The following RAB9A variants were observed in gnomAD, a reference collection of about 807,000 sequenced individuals.
RAB9A encodes the protein ras-related protein Rab-9A.
RAB9A carries 1 observed loss-of-function variant against 10.3 expected under a neutral mutation model. The ratio of observed to expected loss-of-function variants is 0.10; its 90% CI spans 0.03 to 0.46. The LOEUF (loss-of-function observed/expected upper bound fraction) is 0.46. RAB9A is among the 20% of genes least tolerant of loss of function. The probability of loss-of-function intolerance (pLI) is 0.96; values close to 1 mark genes in which losing one functional copy is unlikely to be tolerated. For synonymous variants in RAB9A, 39 were observed against 55.2 expected (o/e 0.71, Z 1.30); for missense variants, 92 against 150.3 (o/e 0.61, Z 2.03).
At chrX:13,691,659 CAAAAAAAAAAAAAAAAA>C (rs765886332) in intron 1 of RAB9A, among the ~76,000 whole-genome samples, 1 of 15,933 alleles carries the variant, frequency 6.3e-5, no homozygotes, top group Non-Finnish European at 1.2e-4. Flanking sequence ...GACTCCATCT[CAAAAAAAAAAAAAAAAA>C]AAAAAAAAAA....
At chrX:13,693,155 A>G (rs903716253) in intron 1 of RAB9A, among the ~76,000 whole-genome samples, 18 of 89,078 alleles carry the variant, frequency 2.0e-4, no homozygotes, top group Non-Finnish European at 6.5e-5. Flanking sequence ...ATTAGCTTCC[A>G]AGTAGTTCTG....
intron 1 of RAB9A, among the ~76,000 whole-genome samples, chrX:13,697,044 CT>C (rs1442495639): frequency 9.0e-6 from 1 of 111,341 alleles, no homozygotes; most frequent in Non-Finnish European, 1.9e-5. Flanking sequence ...AATATATCTT[CT>C]TAGGAAATCC....
rs149597261 is a variant in RAB9A at position 13,700,201 on chromosome X, C to T, written c.-115-3613C>T. Reference sequence around the variant, plus strand: ...TTGGGCTCAAGTGATCTGCCCATCTCGGCTTCCCAAAGTGCTGGGATTACA... The same window carrying T: ...TTGGGCTCAAGTGATCTGCCCATCTTGGCTTCCCAAAGTGCTGGGATTACA... On this transcript the variant is annotated intron_variant, in intron 1 of 2. Transcript: ENST00000464506. Among the ~76,000 whole-genome samples the T allele has an allele frequency of 6.7e-3, 752 of 111,826 alleles. 9 individuals are homozygous for T. The highest frequency in any genetic ancestry group is 0.023 in the African/African-American group (705 of 30,759).
chrX:13,701,652 G>A (rs2046174453), intron 1 of RAB9A, among the ~76,000 whole-genome samples: 1 of 111,156 alleles, frequency 9.0e-6, no homozygotes, highest in Non-Finnish European at 1.9e-5. Flanking sequence ...GGCACGCACA[G>A]GATGGTTAAG....
rs966044255 is a variant in RAB9A, at chrX:13,709,758, G to T, written c.*406G>T. ...TTATGCAATTAGCATTGTATTCTTG[G>T]TTCAGGGAAATACTTTCCTAAAGCA... On this transcript the variant is annotated 3_prime_UTR_variant, in exon 3 of 3. Coordinates refer to ENST00000464506, the MANE Select transcript of RAB9A (RefSeq NM_004251.5). 1.6e-5 allele frequency: 2 copies of T among 124,865 alleles called. No homozygotes were observed. Among genetic ancestry groups the T allele is most frequent in the Non-Finnish European group, 3.7e-5 (2 of 54,418 alleles). 10.3% of individuals were successfully genotyped at this position (124,865 alleles called of 1,213,427 possible).
chrX:13,702,980 A>G (rs1369255484), intron 1 of RAB9A, among the ~76,000 whole-genome samples: 2 of 112,400 alleles, frequency 1.8e-5, no homozygotes, highest in Admixed American at 1.9e-4. Flanking sequence ...CATGTAAAAC[A>G]TTTTTTAAAC....
intron 1 of RAB9A, among the ~76,000 whole-genome samples, chrX:13,702,276 C>G (rs1036978933): frequency 4.5e-5 from 5 of 111,373 alleles, no homozygotes; most frequent in African/African-American, 1.6e-4. Context: ...TCATAGTTTT[C>G]TCTTTCTCCT....
chrX:13,702,093 T>C (rs1172018639), intron 1 of RAB9A, among the ~76,000 whole-genome samples: 1 of 111,454 alleles, frequency 9.0e-6, no homozygotes, highest in African/African-American at 3.3e-5. Flanking sequence ...CTCGCCTCCC[T>C]GCTCCTGGGC....
intron 1 of RAB9A, among the ~76,000 whole-genome samples, chrX:13,699,157 C>T (rs1021717994): frequency 2.7e-5 from 3 of 111,368 alleles, no homozygotes; most frequent in Admixed American, 9.6e-5. Context: ...AGCTCCCTGT[C>T]GCAGTCAGTC....
At position 13,708,327 on chromosome X, in the gene RAB9A, A is replaced by AAAAAC. The variant is rs752144859; in HGVS notation, c.-26-388_-26-384dup. ...GACAGCGAGATCCTGTCTCAAAAAA[A>AAAAAC]AAAACAAAACCAAAACAACAACAAC... On this transcript the variant is annotated intron_variant, in intron 2 of 2. Transcript: ENST00000464506. Among the ~76,000 whole-genome samples the AAAAAC allele has an allele frequency of 8.2e-5, 9 of 109,188 alleles. No homozygotes were observed. The East Asian group carries it at 1.1e-3, about 14-fold the overall frequency. 94.8% of individuals were successfully genotyped at this position (109,188 alleles called of 115,157 possible).
rs780502129 is a variant in RAB9A at position 13,708,907 on chromosome X, A to G, written c.161A>G (p.His54Arg). 8.3e-7 allele frequency: 1 copy of G among 1,211,483 alleles called. No homozygotes were observed. Among genetic ancestry groups the G allele is most frequent in the Admixed American group, 2.2e-5 (1 of 46,017 alleles). The change falls in exon 3 of 3, where the codon CAT becomes CGT. Residue 54 changes from histidine (H) to arginine (R), a missense_variant. Transcript: ENST00000464506. Reference sequence around the variant, plus strand: ...AATAAAGATTTGGAAGTGGATGGACATTTTGTTACCATGCAGATTTGGGAC... The same window carrying G: ...AATAAAGATTTGGAAGTGGATGGACGTTTTGTTACCATGCAGATTTGGGAC... ...FLNKDLEVDGHFVTMQIWDTA... is the reference protein window; with the variant it reads ...FLNKDLEVDGRFVTMQIWDTA...
chrX:13,701,016 C>T (rs2046171031), intron 1 of RAB9A, among the ~76,000 whole-genome samples: 1 of 112,197 alleles, frequency 8.9e-6, no homozygotes, highest in Admixed American at 9.4e-5. Flanking sequence ...AAGTGATCTG[C>T]CTGCCTCTGC....
chrX:13,696,779 C>A (rs955085034), intron 1 of RAB9A, among the ~76,000 whole-genome samples: 6 of 111,794 alleles, frequency 5.4e-5, no homozygotes, highest in Non-Finnish European at 9.4e-5. Context: ...GGTTTGCAGG[C>A]ACATTGAGAA....
intron 1 of RAB9A, among the ~76,000 whole-genome samples, chrX:13,694,327 A>G (rs964482226): frequency 1.8e-5 from 2 of 112,541 alleles, no homozygotes; most frequent in Non-Finnish European, 3.7e-5. Context: ...AAATACATAC[A>G]TAATGTGGTT....
chrX:13,693,763 G>T (rs1476230161), intron 1 of RAB9A, among the ~76,000 whole-genome samples: 1 of 111,563 alleles, frequency 9.0e-6, no homozygotes, highest in African/African-American at 3.3e-5. Flanking sequence ...TGCCTGAGGT[G>T]GAGAGAGACT....
chrX:13,704,385 G>T (rs1410783383), intron 2 of RAB9A, among the ~76,000 whole-genome samples: 1 of 111,601 alleles, frequency 9.0e-6, no homozygotes, highest in Non-Finnish European at 1.9e-5. Context: ...GCTGAGAAAG[G>T]TCATGGATAG....
intron 2 of RAB9A, among the ~76,000 whole-genome samples, chrX:13,707,618 A>G (rs940970598): frequency 2.7e-5 from 3 of 111,882 alleles, no homozygotes. Flanking sequence ...ATCCTGCCAC[A>G]GGACTTCTAA....
intron 1 of RAB9A, among the ~76,000 whole-genome samples, chrX:13,690,592 C>T (rs1162032191): frequency 9.0e-6 from 1 of 111,430 alleles, no homozygotes; most frequent in Non-Finnish European, 1.9e-5. Context: ...TCTTTTCCAA[C>T]CTCTCTCATC....
chrX:13,690,098 C>T (rs2046113879), intron 1 of RAB9A, among the ~76,000 whole-genome samples: 1 of 110,191 alleles, frequency 9.1e-6, no homozygotes, highest in Non-Finnish European at 1.9e-5. Context: ...TGATAAAAAT[C>T]AATGGGCAGA....
Sources: allele counts gnomAD v4.1 joint callset (sites outside exome capture counted in the v4.1 genomes callset), GRCh38; gene constraint gnomAD v4.1.1; transcripts MANE v1.5; gene names NCBI Gene and HGNC (gene_info 2026-07-23, HGNC 2026-07-21).